Variants in PRKN observed in about 807,000 individuals in gnomAD.
PRKN encodes parkin RBR E3 ubiquitin protein ligase, also known as E3 ubiquitin-protein ligase parkin.
Under a neutral mutation model 59.5 loss-of-function variants are expected in PRKN, and 56 were observed. The ratio of observed to expected loss-of-function variants is 0.94; its 90% confidence interval spans 0.76 to 1.18. The LOEUF is 1.18. PRKN is among the 50% of genes most tolerant of loss of function. PRKN has a pLI of 0.00. For missense variants in PRKN, 657 were observed against 596.4 expected, an observed-to-expected ratio of 1.10 and a Z score of -1.06; for synonymous variants, 250 against 222.1, an observed-to-expected ratio of 1.13 and a Z score of -1.12.
chr6:161,710,423 T>C (rs947490485), intron 7 of PRKN, among the ~76,000 whole-genome samples: 1 of 152,230 alleles, frequency 6.6e-6, no homozygotes, highest in African/African-American at 2.4e-5. Context: ...TACTGGAACA[T>C]GACACCATCA....
At chr6:161,947,806 C>T (rs1456444167) in intron 6 of PRKN, among the ~76,000 whole-genome samples, 1 of 152,178 alleles carries the variant, frequency 6.6e-6, no homozygotes, top group African/African-American at 2.4e-5. Context: ...ATTTGACTTA[C>T]TCTCACATAC....
Position 161,361,761 on chromosome 6 carries a change from G to A in PRKN, c.1168-1556C>T, listed in dbSNP as rs909503494. On this transcript the variant is annotated intron_variant, in intron 10 of 11. Coordinates refer to ENST00000366898, the MANE Select transcript of PRKN (RefSeq NM_004562.3). The surrounding 1 kb of genome is among the most constrained non-coding windows in gnomAD (Gnocchi z 5.2). ...TTTGTGAATACTTTGCTAGAATAAC[G>A]TGGAGTCAGCTGCTCGGAGGCAACG... Among the ~76,000 whole-genome samples the A allele has an allele frequency of 1.3e-5, 2 of 152,200 alleles. No individual in the cohort carries two copies. The highest frequency in any genetic ancestry group is 6.5e-5 in the Admixed American group (1 of 15,276).
intron 2 of PRKN, among the ~76,000 whole-genome samples, chr6:162,306,096 A>C (rs1046041710): frequency 6.6e-6 from 1 of 152,134 alleles, no homozygotes; most frequent in Non-Finnish European, 1.5e-5. Context: ...AATAATCTTC[A>C]TAAGTTCCCT....
In PRKN at chr6:162,299,370, C is replaced by T. The variant is rs544716449; in HGVS notation, c.172-36605G>A. ...CCGGTGGGTAAGATTCTGGTTTTTA[C>T]CCTTAGGTGGAAGGTGGAATGGGCA... On this transcript the variant is annotated intron_variant, in intron 2 of 11. Coordinates refer to ENST00000366898, the MANE Select transcript of PRKN (RefSeq NM_004562.3). 5.3e-5 allele frequency among the ~76,000 whole-genome samples: 8 copies of T among 152,182 alleles called. No individual in the cohort carries two copies. The East Asian group carries it at 1.2e-3, about 22-fold the overall frequency.
chr6:162,209,011 G>A (rs1334921410), intron 3 of PRKN, among the ~76,000 whole-genome samples: 1 of 152,074 alleles, frequency 6.6e-6, no homozygotes, highest in African/African-American at 2.4e-5. Flanking sequence ...GAAAACCTAG[G>A]CAATGCCATT....
At chr6:162,190,698 T>A (rs1380766861) in intron 4 of PRKN, among the ~76,000 whole-genome samples, 2 of 152,200 alleles carry the variant, frequency 1.3e-5, no homozygotes, top group Admixed American at 1.3e-4. Context: ...TGAAGCAGTA[T>A]TTTCAGGGAG....
At chr6:162,601,158 G>A (rs1056290281) in intron 1 of PRKN, among the ~76,000 whole-genome samples, 15 of 152,064 alleles carry the variant, frequency 9.9e-5, no homozygotes, top group African/African-American at 3.1e-4. Flanking sequence ...TGTCAAGAGG[G>A]CAAAAGCATG....
chr6:162,125,791 A>G (rs898508051), intron 4 of PRKN, among the ~76,000 whole-genome samples: 2 of 152,210 alleles, frequency 1.3e-5, no homozygotes, highest in Admixed American at 1.3e-4. Flanking sequence ...CAGGTACTCA[A>G]TAAGTATTTG....
At chr6:161,740,562 A>AT in intron 7 of PRKN, among the ~76,000 whole-genome samples, 1 of 152,210 alleles carries the variant, frequency 6.6e-6, no homozygotes, top group Non-Finnish European at 1.5e-5. Context: ...TCCTCCAGTG[A>AT]TAATTCTGAA....
intron 6 of PRKN, among the ~76,000 whole-genome samples, chr6:161,911,540 C>T (rs1056172800): frequency 2.6e-5 from 4 of 152,158 alleles, no homozygotes; most frequent in African/African-American, 9.7e-5. Context: ...TTTTATGTCC[C>T]CCAACCCTGG....
rs373921708 is a variant in PRKN, at chr6:161,470,097, C to A, written c.1083+78757G>T. Among the ~76,000 whole-genome samples the A allele has an allele frequency of 5.9e-5, 9 of 152,264 alleles. No homozygotes were observed. The East Asian group carries it at 9.6e-4, about 16-fold the overall frequency. On this transcript the variant is annotated intron_variant, in intron 9 of 11. Transcript: ENST00000366898. This position sits in a 1 kb window ranked among gnomAD's most constrained non-coding sequence, Gnocchi z 5.1. Reference sequence around the variant, plus strand: ...CCATTTAATAGAAGAGGAAAGTGAGCCACAGAGAAGTTAATTTGCTCAAAA... The same window carrying A: ...CCATTTAATAGAAGAGGAAAGTGAGACACAGAGAAGTTAATTTGCTCAAAA...
In PRKN at chr6:161,777,331, A is replaced by G. The variant is rs531668502; in HGVS notation, c.871+8441T>C. ...TCAAAGAATGAGTTCACACTAGGAG[A>G]GCAGGGTTTCTACCTGGATGGTATT... is the stretch of plus-strand genomic sequence containing the variant. On this transcript the variant is annotated intron_variant, in intron 7 of 11. Transcript: ENST00000366898. Among the ~76,000 whole-genome samples, 21 of 152,272 alleles carry G rather than the reference A, an allele frequency of 1.4e-4. No individual in the cohort carries two copies. The South Asian group carries it at 4.1e-3, about 30-fold the overall frequency.
intron 5 of PRKN, among the ~76,000 whole-genome samples, chr6:162,036,303 A>G (rs149801155): frequency 0.025 from 3,746 of 151,908 alleles, 70 homozygotes; most frequent in Non-Finnish European, 0.038. Flanking sequence ...CAGCCTGGGC[A>G]ACAGAGCGAG....
intron 7 of PRKN, among the ~76,000 whole-genome samples, chr6:161,653,917 G>T (rs1269639233): frequency 6.6e-5 from 10 of 152,170 alleles, no homozygotes; most frequent in Non-Finnish European, 1.5e-4. Context: ...GCACGCTGGG[G>T]TCACATTGCC....
At chr6:162,240,363 T>A (rs1303762867) in intron 3 of PRKN, among the ~76,000 whole-genome samples, 1 of 152,170 alleles carries the variant, frequency 6.6e-6, no homozygotes, top group Non-Finnish European at 1.5e-5. Context: ...CCTTCTTTCC[T>A]TCCCACGCAT....
At chr6:161,799,635 G>T (rs1370963604) in intron 6 of PRKN, among the ~76,000 whole-genome samples, 1 of 152,248 alleles carries the variant, frequency 6.6e-6, no homozygotes, top group Non-Finnish European at 1.5e-5. Context: ...TATGGGCCAG[G>T]CACTTAGCAT....
intron 1 of PRKN, among the ~76,000 whole-genome samples, chr6:162,556,376 T>TGTGTGTGTGTGTGTGCGC (rs1779594530): frequency 1.2e-5 from 1 of 80,216 alleles, no homozygotes; most frequent in South Asian, 4.8e-4. Flanking sequence ...TGTGTGTGTG[T>TGTGTGTGTGTGTGTGCGC]GTGTGTGTGT....
At chr6:162,054,949 G>C (rs530570461) in intron 4 of PRKN, among the ~76,000 whole-genome samples, 110 of 152,230 alleles carry the variant, frequency 7.2e-4, no homozygotes, top group Non-Finnish European at 2.4e-4. Context: ...ATCACCTGAG[G>C]TCAGGAGTTC....
chr6:161,847,380 C>T (rs1290222240), intron 6 of PRKN, among the ~76,000 whole-genome samples: 3 of 152,062 alleles, frequency 2.0e-5, no homozygotes, highest in South Asian at 2.1e-4. Context: ...AAAAAACTAC[C>T]GATTTTCTCT....
Sources: gnomAD v4.1 joint callset for allele counts (sites outside exome capture counted in the v4.1 genomes callset) on GRCh38, gnomAD v4.1.1 for gene constraint, Gnocchi (gnomAD v3.1) non-coding constraint, MANE v1.5 for transcripts, NCBI Gene and HGNC (gene_info 2026-07-23, HGNC 2026-07-21) for gene names.